The following DLGAP2 variants were observed in gnomAD, a reference collection of about 807,000 sequenced individuals.
The protein encoded by DLGAP2 is DLG associated protein 2.
Under a neutral mutation model 100.3 loss-of-function variants are expected in DLGAP2, and 26 were observed. That is an observed-to-expected ratio of 0.26 (90% CI 0.19 to 0.36). The LOEUF is 0.36. Ranked by LOEUF, DLGAP2 falls within the 10% of genes least tolerant of loss-of-function variation. The pLI, the probability that DLGAP2 is intolerant of heterozygous loss-of-function variation, is 1.00. For synonymous variants in DLGAP2, 886 were observed against 630.1 expected, an observed-to-expected ratio of 1.41 and a Z score of -6.08; for missense variants, 1,858 against 1,453.2, an observed-to-expected ratio of 1.28 and a Z score of -4.53.
chr8:1,186,214 C>A (rs1335365581), intron 2 of DLGAP2, among the ~76,000 whole-genome samples: 1 of 152,258 alleles, frequency 6.6e-6, no homozygotes, highest in African/African-American at 2.4e-5. Context: ...GGCAGCGCTG[C>A]AGTCTGTGGT....
rs9785112 is a variant in DLGAP2, at chr8:1,457,883, T to G, written c.107-43483T>G. Among the ~76,000 whole-genome samples the G allele has an allele frequency of 4.0e-5, 6 of 149,836 alleles. No homozygotes were observed. In the East Asian group the frequency reaches 1.2e-3, roughly 29 times the overall value. On this transcript the variant is annotated intron_variant, in intron 3 of 14. Transcript: ENST00000637795. ...TTTGTTAATTCTATTTTCAAGGGCATGCACATTTCTGCAGCTCATGAAATT... is the reference window on the plus strand; with the variant it reads ...TTTGTTAATTCTATTTTCAAGGGCAGGCACATTTCTGCAGCTCATGAAATT...
intron 11 of DLGAP2, among the ~76,000 whole-genome samples, chr8:1,677,347 G>A (rs774871846): frequency 3.3e-5 from 5 of 152,094 alleles, no homozygotes; most frequent in Non-Finnish European, 7.4e-5. Flanking sequence ...CCTGGGAGCC[G>A]GGCAGGCTGC....
chr8:1,427,672 C>T (rs531908004), intron 3 of DLGAP2, among the ~76,000 whole-genome samples: 4 of 152,144 alleles, frequency 2.6e-5, no homozygotes, highest in Non-Finnish European at 5.9e-5. Context: ...CTCATGAGAT[C>T]TGATGGTTTT....
chr8:1,027,658 C>A (rs1194400422), intron 2 of DLGAP2, among the ~76,000 whole-genome samples: 2 of 145,012 alleles, frequency 1.4e-5, no homozygotes, highest in South Asian at 4.5e-4. Context: ...GTACCAGGCG[C>A]CCGTTATTCT....
intron 1 of DLGAP2, among the ~76,000 whole-genome samples, chr8:746,578 C>T (rs893273509): frequency 1.3e-5 from 2 of 152,268 alleles, no homozygotes; most frequent in African/African-American, 4.8e-5. Context: ...CACCTGACAC[C>T]TTGCTGGGCA....
At chr8:1,191,108 G>T (rs1421723771) in intron 2 of DLGAP2, among the ~76,000 whole-genome samples, 1 of 152,078 alleles carries the variant, frequency 6.6e-6, no homozygotes, top group African/African-American at 2.4e-5. Flanking sequence ...ATTTACGTGG[G>T]ATGTCTTGCA....
chr8:1,171,998 G>C (rs1797138959), intron 2 of DLGAP2, among the ~76,000 whole-genome samples: 1 of 152,046 alleles, frequency 6.6e-6, no homozygotes, highest in Admixed American at 6.6e-5. Context: ...TTACATTTTG[G>C]CATGATTTTG....
At chr8:1,145,066 T>C (rs1000675219) in intron 2 of DLGAP2, among the ~76,000 whole-genome samples, 4 of 152,254 alleles carry the variant, frequency 2.6e-5, no homozygotes, top group Admixed American at 2.0e-4. Flanking sequence ...GCAACTTCTC[T>C]GTATTAGTAG....
chr8:904,146 C>T (rs1038596969), intron 1 of DLGAP2, among the ~76,000 whole-genome samples: 2 of 152,242 alleles, frequency 1.3e-5, no homozygotes, highest in South Asian at 2.1e-4. Context: ...ACTGGCCACA[C>T]GTAGCCTGTG....
intron 2 of DLGAP2, among the ~76,000 whole-genome samples, chr8:1,111,346 C>T (rs545009011): frequency 1.3e-5 from 2 of 152,108 alleles, no homozygotes; most frequent in Non-Finnish European, 2.9e-5. Flanking sequence ...TCCCTGGGTT[C>T]ACGTTCCAGT....
chr8:918,877 A>G (rs1191025042), intron 2 of DLGAP2, among the ~76,000 whole-genome samples: 1 of 152,218 alleles, frequency 6.6e-6, no homozygotes, highest in Non-Finnish European at 1.5e-5. Context: ...AGATCTAAAC[A>G]TTATTTTTTA....
chr8:831,055 C>G (rs1369981271), intron 1 of DLGAP2, among the ~76,000 whole-genome samples: 1 of 152,000 alleles, frequency 6.6e-6, no homozygotes, highest in Non-Finnish European at 1.5e-5. Context: ...GCCACCATAC[C>G]TGGCTAATTT....
intron 2 of DLGAP2, among the ~76,000 whole-genome samples, chr8:1,240,137 G>A (rs1421884801): frequency 1.4e-5 from 2 of 147,998 alleles, no homozygotes; most frequent in African/African-American, 2.5e-5. Flanking sequence ...ATGGTGCCAT[G>A]TGTAGTTCTC....
At chr8:1,494,275 T>G (rs1015838005) in intron 3 of DLGAP2, among the ~76,000 whole-genome samples, 5 of 152,286 alleles carry the variant, frequency 3.3e-5, no homozygotes, top group African/African-American at 1.2e-4. Context: ...AAGGCTTAAC[T>G]GCTTCCTTTT....
At chr8:1,602,732 C>A (rs1796668535) in intron 6 of DLGAP2, among the ~76,000 whole-genome samples, 1 of 152,214 alleles carries the variant, frequency 6.6e-6, no homozygotes, top group African/African-American at 2.4e-5. Context: ...ACAAGTGTCT[C>A]TTGAGCTCCT....
intron 3 of DLGAP2, among the ~76,000 whole-genome samples, chr8:1,317,553 A>G (rs1312979479): frequency 7.2e-6 from 1 of 138,840 alleles, no homozygotes. Flanking sequence ...TGTCTCCAAC[A>G]GTGGTCTACA....
At chr8:1,459,427 C>A (rs1798411279) in intron 3 of DLGAP2, among the ~76,000 whole-genome samples, 1 of 152,168 alleles carries the variant, frequency 6.6e-6, no homozygotes, top group African/African-American at 2.4e-5. Flanking sequence ...TCATGATATT[C>A]ATTATCCATA....
intron 3 of DLGAP2, among the ~76,000 whole-genome samples, chr8:1,328,525 T>A (rs183122567): frequency 7.6e-4 from 115 of 152,108 alleles, no homozygotes; most frequent in Non-Finnish European, 1.4e-3. Flanking sequence ...TTTTTTGGTT[T>A]TTTTTAGTAG....
intron 2 of DLGAP2, among the ~76,000 whole-genome samples, chr8:1,214,231 C>T (rs1347322926): frequency 6.6e-6 from 1 of 152,224 alleles, no homozygotes; most frequent in Non-Finnish European, 1.5e-5. Flanking sequence ...AATGCCCCTC[C>T]TCAGCAAGTC....
Sources: allele counts gnomAD v4.1 joint callset (sites outside exome capture counted in the v4.1 genomes callset), GRCh38; gene constraint gnomAD v4.1.1; transcripts MANE v1.5; gene names NCBI Gene and HGNC (gene_info 2026-07-23, HGNC 2026-07-21).